GPR19: variants seen among roughly 807,000 people sequenced by gnomAD.
GPR19 encodes probable G protein-coupled receptor 19.
Under a neutral mutation model 28.5 loss-of-function variants are expected in GPR19, and 14 were observed. The ratio of observed to expected loss-of-function variants is 0.49; its 90% confidence interval spans 0.32 to 0.77. GPR19 has a LOEUF of 0.77. Ranked by LOEUF, GPR19 falls within the 30% of genes least tolerant of loss-of-function variation. GPR19 has a pLI of 0.03. For missense variants in GPR19, 409 were observed against 504.1 expected (o/e 0.81, Z 1.81); for synonymous variants, 173 against 184.1 (o/e 0.94, Z 0.49).
the GPR19 span, among the ~76,000 whole-genome samples, chr12:12,704,724 G>A: frequency 1.3e-5 from 2 of 152,190 alleles, no homozygotes; most frequent in African/African-American, 4.8e-5. Context: ...AGGGCTGACA[G>A]TTCTGGCCTT....
chr12:12,686,441 C>G (rs1030586541), intron 2 of GPR19, among the ~76,000 whole-genome samples: 1 of 152,174 alleles, frequency 6.6e-6, no homozygotes, highest in Non-Finnish European at 1.5e-5. Context: ...TTTGAGTCAG[C>G]AGGTTGGTGA....
the GPR19 span, among the ~76,000 whole-genome samples, chr12:12,709,565 G>A: frequency 7.9e-5 from 12 of 152,196 alleles, no homozygotes; most frequent in South Asian, 4.1e-4. Flanking sequence ...TCCACCTGTC[G>A]TGTAGCTGGG....
the GPR19 span, among the ~76,000 whole-genome samples, chr12:12,707,986 A>G: frequency 2.1e-5 from 1 of 48,248 alleles, no homozygotes; most frequent in African/African-American, 7.2e-5. Flanking sequence ...TTTATTTCCT[A>G]TTCTTTTTTT....
intron 3 of GPR19, among the ~76,000 whole-genome samples, chr12:12,679,914 GATA>G (rs1342855364): frequency 1.3e-5 from 2 of 151,970 alleles, no homozygotes; most frequent in East Asian, 1.9e-4. Context: ...GATTTTCTAT[GATA>G]ATAAAATAAA....
intron 2 of GPR19, among the ~76,000 whole-genome samples, chr12:12,691,178 TAAA>T (rs892017459): frequency 1.3e-5 from 2 of 151,102 alleles, no homozygotes; most frequent in Non-Finnish European, 3.0e-5. Flanking sequence ...TAAAATAAAA[TAAA>T]AAATAAAAAA....
At chr12:12,678,473 A>C (rs1449981234) in intron 3 of GPR19, among the ~76,000 whole-genome samples, 1 of 152,166 alleles carries the variant, frequency 6.6e-6, no homozygotes, top group Non-Finnish European at 1.5e-5. Context: ...AGAGAACCAG[A>C]GAAAGGTAAT....
At chr12:12,684,144 C>T (rs1352876305) in intron 3 of GPR19, 1 of 152,138 alleles carries the variant, frequency 6.6e-6, no homozygotes, top group Non-Finnish European at 1.5e-5. Flanking sequence ...TACACAATTT[C>T]CATCCAATTT....
Position 12,672,160 on chromosome 12 carries a change from C to T in GPR19, c.-22-9690G>A, listed in dbSNP as rs1945861944. ...AAAACAGAAAGGAGCCTGAGCTTTA[C>T]CCCACATGAAGGTTTAAGTTGACCA... On this transcript the variant is annotated intron_variant, in intron 3 of 3. Transcript: ENST00000651487. Among the ~76,000 whole-genome samples, 6 of 152,168 alleles carry T rather than the reference C, an allele frequency of 3.9e-5. No individual in the cohort carries two copies. The South Asian group carries it at 1.2e-3, about 31-fold the overall frequency.
At chr12:12,676,470 A>T (rs2111941) in intron 3 of GPR19, among the ~76,000 whole-genome samples, 66,813 of 152,030 alleles carry the variant, frequency 0.44, 15,477 homozygotes, top group Non-Finnish European at 0.5. Context: ...GAAGTTGTTT[A>T]GGGCTGCTGG....
At chr12:12,680,384 G>A (rs1946000168) in intron 3 of GPR19, among the ~76,000 whole-genome samples, 1 of 152,212 alleles carries the variant, frequency 6.6e-6, no homozygotes, top group Non-Finnish European at 1.5e-5. Flanking sequence ...TGACAGACAT[G>A]CAGTGTCTGG....
intron 3 of GPR19, among the ~76,000 whole-genome samples, chr12:12,675,367 G>A (rs1945916586): frequency 6.6e-6 from 1 of 152,158 alleles, no homozygotes; most frequent in African/African-American, 2.4e-5. Context: ...CCATCAGCCT[G>A]GTAGGATAGA....
intron 3 of GPR19, among the ~76,000 whole-genome samples, chr12:12,669,813 C>A (rs1014323024): frequency 1.3e-5 from 2 of 152,292 alleles, no homozygotes; most frequent in African/African-American, 4.8e-5. Context: ...AAAAATGGCT[C>A]AGGAGGCCAC....
At chr12:12,686,669 T>C (rs1946101904) in intron 2 of GPR19, among the ~76,000 whole-genome samples, 1 of 152,184 alleles carries the variant, frequency 6.6e-6, no homozygotes, top group African/African-American at 2.4e-5. Flanking sequence ...AGCTAGGATT[T>C]GGAACCACTG....
chr12:12,678,880 T>C (rs1221433049), intron 3 of GPR19, among the ~76,000 whole-genome samples: 2 of 152,218 alleles, frequency 1.3e-5, no homozygotes, highest in African/African-American at 4.8e-5. Context: ...CACTACAGCC[T>C]CTGCCTCCTG....
At chr12:12,664,919 C>CAAAAA (rs746346681) in intron 3 of GPR19, among the ~76,000 whole-genome samples, 20 of 31,088 alleles carry the variant, frequency 6.4e-4, no homozygotes, top group African/African-American at 1.8e-3. Flanking sequence ...GACGCCATCT[C>CAAAAA]AAAAAAAAAA....
chr12:12,686,289 G>A (rs76810686), intron 2 of GPR19, among the ~76,000 whole-genome samples: 1,563 of 152,262 alleles, frequency 0.01, 23 homozygotes, highest in African/African-American at 0.035. Context: ...CATCCTCATC[G>A]TATTTTCTAC....
At chr12:12,714,268 A>G in the GPR19 span, among the ~76,000 whole-genome samples, 2 of 152,324 alleles carry the variant, frequency 1.3e-5, no homozygotes, top group Admixed American at 1.3e-4. Context: ...CATTATAAAC[A>G]TCCTCGAGGA....
intron 3 of GPR19, among the ~76,000 whole-genome samples, chr12:12,664,017 A>C (rs1392193791): frequency 6.6e-6 from 1 of 152,106 alleles, no homozygotes; most frequent in East Asian, 1.9e-4. Context: ...TTTTTGAGAC[A>C]GAGTCTCGCT....
chr12:12,664,630 A>G (rs964397215), intron 3 of GPR19, among the ~76,000 whole-genome samples: 2 of 152,130 alleles, frequency 1.3e-5, no homozygotes, highest in African/African-American at 4.8e-5. Context: ...TTTCCATATA[A>G]GAAATCAGGG....
Sources: gnomAD v4.1 joint callset for allele counts (sites outside exome capture counted in the v4.1 genomes callset) on GRCh38, gnomAD v4.1.1 for gene constraint, MANE v1.5 for transcripts, NCBI Gene and HGNC (gene_info 2026-07-23, HGNC 2026-07-21) for gene names.